Variants in RFX3 observed in about 807,000 individuals in gnomAD.
RFX3 encodes transcription factor RFX3.
RFX3 carries 14 observed loss-of-function variants against 98.6 expected under a neutral mutation model. That is an observed-to-expected ratio of 0.14 (90% CI 0.09 to 0.22). The LOEUF is 0.22. RFX3 is among the 10% of genes least tolerant of loss of function. The probability of loss-of-function intolerance (pLI) is 1.00; values close to 1 mark genes in which losing one functional copy is unlikely to be tolerated. For missense variants in RFX3, 639 were observed against 926.9 expected (o/e 0.69, Z 4.03); for synonymous variants, 383 against 328.4 (o/e 1.17, Z -1.80).
At chr9:3,478,847 G>T (rs996026664) in intron 1 of RFX3, among the ~76,000 whole-genome samples, 1 of 152,102 alleles carries the variant, frequency 6.6e-6, no homozygotes, top group Non-Finnish European at 1.5e-5. Context: ...CACAGCCTTA[G>T]GCAATTGACA....
At chr9:3,258,468 C>T (rs1056770308) in intron 13 of RFX3, among the ~76,000 whole-genome samples, 2 of 152,088 alleles carry the variant, frequency 1.3e-5, no homozygotes, top group African/African-American at 4.8e-5. Flanking sequence ...CCTGAAGGCA[C>T]TTCAAATGCA....
At chr9:3,517,211 C>T (rs1270410797) in intron 1 of RFX3, among the ~76,000 whole-genome samples, 1 of 152,134 alleles carries the variant, frequency 6.6e-6, no homozygotes, top group Non-Finnish European at 1.5e-5. Context: ...AATCCCATAG[C>T]CCTATTGTTT....
intron 2 of RFX3, among the ~76,000 whole-genome samples, chr9:3,380,501 T>C (rs1179582379): frequency 6.6e-6 from 1 of 152,160 alleles, no homozygotes; most frequent in African/African-American, 2.4e-5. Context: ...ATCAGTATTA[T>C]AAAAAGTGAA....
Position 3,330,259 on chromosome 9 carries a change from T to G in RFX3, c.474A>C (p.Thr158=). 1 of 1,613,978 alleles carries G rather than the reference T, an allele frequency of 6.2e-7. No homozygotes were observed. The highest frequency in any genetic ancestry group is 8.5e-7 in the Non-Finnish European group (1 of 1,179,922). Reference sequence around the variant, plus strand: ...AACTACTAAAAATTCAAATACTTACTGTCGCTGGGGAGGCCCGAGTTGTGT... The same window carrying G: ...AACTACTAAAAATTCAAATACTTACGGTCGCTGGGGAGGCCCGAGTTGTGT... ...VTHTTRASPA[T]IEMAIETLQK... The change falls in exon 4 of 17, where the codon ACA becomes ACC. Residue 158 remains threonine, a splice_region_variant and synonymous_variant. Coordinates refer to ENST00000617270, the MANE Select transcript of RFX3 (RefSeq NM_001282116.2).
chr9:3,358,128 A>C (rs1835987639), intron 2 of RFX3, among the ~76,000 whole-genome samples: 1 of 152,146 alleles, frequency 6.6e-6, no homozygotes, highest in Non-Finnish European at 1.5e-5. Context: ...TTCTTTAAGC[A>C]ATGATTTCCT....
chr9:3,334,416 G>A (rs1832933544), intron 3 of RFX3, among the ~76,000 whole-genome samples: 1 of 152,140 alleles, frequency 6.6e-6, no homozygotes, highest in Non-Finnish European at 1.5e-5. Context: ...AACATCCCAA[G>A]GGATCACTGC....
intron 1 of RFX3, chr9:3,488,787 A>C (rs769033383): frequency 7.9e-5 from 78 of 985,326 alleles, no homozygotes; most frequent in Middle Eastern, 1.0e-3. Context: ...CAGAACCACA[A>C]GTTTGAAATG....
chr9:3,429,793 C>T (rs979662860), intron 1 of RFX3, among the ~76,000 whole-genome samples: 9 of 152,182 alleles, frequency 5.9e-5, no homozygotes, highest in African/African-American at 2.2e-4. Flanking sequence ...TGCTATACAT[C>T]TGCTTTACAT....
At chr9:3,444,927 G>A (rs948637781) in intron 1 of RFX3, among the ~76,000 whole-genome samples, 14 of 152,136 alleles carry the variant, frequency 9.2e-5, no homozygotes, top group African/African-American at 3.4e-4. Flanking sequence ...GTTAGGTGAG[G>A]GTCTAGGAGA....
At chr9:3,368,854 G>C (rs1362530733) in intron 2 of RFX3, among the ~76,000 whole-genome samples, 6 of 152,188 alleles carry the variant, frequency 3.9e-5, no homozygotes, top group Non-Finnish European at 7.3e-5. Flanking sequence ...AGTATAACTA[G>C]CTTCCTTGCA....
chr9:3,408,275 C>T (rs1057408219), intron 1 of RFX3, among the ~76,000 whole-genome samples: 1 of 152,122 alleles, frequency 6.6e-6, no homozygotes, highest in Non-Finnish European at 1.5e-5. Context: ...TTAAGGAAGG[C>T]TGTATAGGCC....
rs146880921 is a variant in RFX3, at chr9:3,507,883, T to G, written c.-9+17864A>C. Among the ~76,000 whole-genome samples, 520 of 152,032 alleles carry G rather than the reference T, an allele frequency of 3.4e-3. 2 individuals carry two copies. The highest frequency in any genetic ancestry group is 0.012 in the African/African-American group (495 of 41,526). On this transcript the variant is annotated intron_variant, in intron 1 of 16. Coordinates refer to ENST00000617270, the MANE Select transcript of RFX3 (RefSeq NM_001282116.2). ...AAATGCAGATCCCACAGATACGAAA[T>G]GTAGACTGGTCAAAAAAGGGGAAGT...
chr9:3,380,903 T>C lies in RFX3; in HGVS notation c.117+14569A>G, dbSNP rs1839121360. 2.6e-5 allele frequency among the ~76,000 whole-genome samples: 4 copies of C among 152,278 alleles called. No homozygotes were observed. In the South Asian group the frequency reaches 8.3e-4, roughly 32 times the overall value. On this transcript the variant is annotated intron_variant, in intron 2 of 16. Coordinates refer to ENST00000617270, the MANE Select transcript of RFX3 (RefSeq NM_001282116.2). ...AGCTTTAAAGAGTATGAATTTGTTT[T>C]ATTACACTAGCTTCTCTAGATCACT...
intron 12 of RFX3, among the ~76,000 whole-genome samples, chr9:3,263,383 G>A (rs543771414): frequency 2.0e-5 from 3 of 152,234 alleles, no homozygotes; most frequent in African/African-American, 7.2e-5. Context: ...AGTAAGAAAT[G>A]ACTTTGAGTA....
chr9:3,244,400 T>C (rs1452612252), intron 15 of RFX3, among the ~76,000 whole-genome samples: 2 of 152,220 alleles, frequency 1.3e-5, no homozygotes, highest in African/African-American at 2.4e-5. Context: ...CTTCGAACTG[T>C]ACCTGGCACA....
At chr9:3,251,553 G>A (rs935297923) in intron 14 of RFX3, among the ~76,000 whole-genome samples, 17 of 151,546 alleles carry the variant, frequency 1.1e-4, no homozygotes, top group African/African-American at 3.2e-4. Context: ...GGCTGGTCTC[G>A]AACTCCTGGA....
intron 1 of RFX3, among the ~76,000 whole-genome samples, chr9:3,399,132 G>A (rs77822155): frequency 0.018 from 2,706 of 151,766 alleles, 83 homozygotes; most frequent in African/African-American, 0.062. Flanking sequence ...AGAAAACTTT[G>A]AACTAAAAAA....
At chr9:3,504,871 T>A (rs189661859) in intron 1 of RFX3, among the ~76,000 whole-genome samples, 4,519 of 75,586 alleles carry the variant, frequency 0.06, 227 homozygotes, top group East Asian at 0.16. Flanking sequence ...TAATATATAT[T>A]ATATATATTA....
At chr9:3,483,497 G>C (rs1849989980) in intron 1 of RFX3, among the ~76,000 whole-genome samples, 1 of 152,152 alleles carries the variant, frequency 6.6e-6, no homozygotes, top group Non-Finnish European at 1.5e-5. Flanking sequence ...ACAAAGGAGG[G>C]AAAAGAAGTG....
Sources: gnomAD v4.1 joint callset for allele counts (sites outside exome capture counted in the v4.1 genomes callset) on GRCh38, gnomAD v4.1.1 for gene constraint, MANE v1.5 for transcripts, NCBI Gene and HGNC (gene_info 2026-07-23, HGNC 2026-07-21) for gene names.